PCDHA4: variants seen among roughly 807,000 people sequenced by gnomAD.
PCDHA4 encodes the protein protocadherin alpha-4.
Under a neutral mutation model 61.4 loss-of-function variants are expected in PCDHA4, and 49 were observed. That is an observed-to-expected ratio of 0.80 (90% CI 0.63 to 1.01). PCDHA4 has a LOEUF of 1.01. PCDHA4 is among the 50% of genes least tolerant of loss of function. PCDHA4 has a pLI of 0.00. For missense variants in PCDHA4, 1,254 were observed against 1,235.8 expected, an observed-to-expected ratio of 1.01 and a Z score of -0.22; for synonymous variants, 590 against 550.3, an observed-to-expected ratio of 1.07 and a Z score of -1.01.
intron 3 of PCDHA4, among the ~76,000 whole-genome samples, chr5:140,990,648 A>G (rs2097404919): frequency 2.0e-5 from 3 of 152,220 alleles, no homozygotes; most frequent in Admixed American, 1.3e-4. Flanking sequence ...CTCAGCCAGT[A>G]TGAATGATTT....
rs57130401 is a variant in PCDHA4, at chr5:140,838,077, AGTGTGTGTGTGTGTGT to A, written c.2385+28544_2385+28559del. On this transcript the variant is annotated intron_variant, in intron 1 of 3. Transcript: ENST00000530339. Reference sequence around the variant, plus strand: ...TTTCCACTTTAAGTTATATATATATAGTGTGTGTGTGTGTGTGTGTGTGTGTGTGTGTGTGTGTGTG... The same window carrying A: ...TTTCCACTTTAAGTTATATATATATAGTGTGTGTGTGTGTGTGTGTGTGTG... 1.6e-3 allele frequency among the ~76,000 whole-genome samples: 130 copies of A among 80,702 alleles called. 1 individual carries two copies. The highest frequency in any genetic ancestry group is 1.6e-3 in the Non-Finnish European group (64 of 41,166). 52.9% of individuals were successfully genotyped at this position (80,702 alleles called of 152,430 possible). A position where few individuals can be genotyped will look rare whatever the true frequency, so the allele number is the denominator to read the frequency against.
chr5:140,827,448 A>G (rs1554130791), intron 1 of PCDHA4, among the ~76,000 whole-genome samples: 1 of 152,248 alleles, frequency 6.6e-6, no homozygotes, highest in African/African-American at 2.4e-5. Flanking sequence ...ACACAGAAGA[A>G]CCTTAAGAGC....
chr5:140,956,878 A>G (rs890203275), intron 1 of PCDHA4, among the ~76,000 whole-genome samples: 4 of 152,188 alleles, frequency 2.6e-5, no homozygotes, highest in Admixed American at 2.6e-4. Context: ...GAAAAGTTAG[A>G]TATCAATGAA....
Position 140,823,885 on chromosome 5 carries a change from T to C in PCDHA4, c.2385+14313T>C, listed in dbSNP as rs2150130069. 6 of 1,613,980 alleles carry C rather than the reference T, an allele frequency of 3.7e-6. No individual in the cohort carries two copies. In the Admixed American group the frequency reaches 8.3e-5, roughly 22 times the overall value. The stretch of plus-strand genomic sequence containing the variant: ...CAACGTGTACCTGATCATCGCCATC[T>C]GTGCGGTGTCCAGCCTGCTGGTGCT... On this transcript the variant is annotated intron_variant, in intron 1 of 3. Transcript: ENST00000530339.
intron 1 of PCDHA4, among the ~76,000 whole-genome samples, chr5:140,892,059 G>A (rs1165045634): frequency 6.6e-6 from 1 of 152,108 alleles, no homozygotes; most frequent in African/African-American, 2.4e-5. Context: ...CAAATTTATT[G>A]TTACTTTGTA....
chr5:141,007,256 G>A (rs1412168610), intron 3 of PCDHA4, among the ~76,000 whole-genome samples: 1 of 152,034 alleles, frequency 6.6e-6, no homozygotes, highest in Non-Finnish European at 1.5e-5. Flanking sequence ...CAAGTTAAAA[G>A]AAGCAGATAC....
chr5:140,902,324 C>T (rs1554190388), intron 1 of PCDHA4, among the ~76,000 whole-genome samples: 1 of 151,472 alleles, frequency 6.6e-6, no homozygotes, highest in Non-Finnish European at 1.5e-5. Flanking sequence ...AGGTGTAACT[C>T]ACTTCGCCTG....
intron 1 of PCDHA4, chr5:140,870,343 C>G (rs375366430): frequency 1.7e-5 from 28 of 1,614,042 alleles, no homozygotes; most frequent in Non-Finnish European, 2.2e-5. Context: ...CGCCCTGGAC[C>G]GCGAGAACGT....
intron 1 of PCDHA4, among the ~76,000 whole-genome samples, chr5:140,964,239 GTTGGC>G (rs2095819198): frequency 6.6e-6 from 1 of 152,180 alleles, no homozygotes; most frequent in African/African-American, 2.4e-5. Context: ...GGCTGATTGT[GTTGGC>G]TTTATATTTG....
At chr5:140,840,168 T>C (rs1776589979) in intron 1 of PCDHA4, among the ~76,000 whole-genome samples, 2 of 151,992 alleles carry the variant, frequency 1.3e-5, no homozygotes, top group African/African-American at 2.4e-5. Flanking sequence ...ATGGGATGTA[T>C]ACAAATTTTA....
intron 1 of PCDHA4, chr5:140,928,173 C>T (rs1554205586): frequency 1.2e-6 from 2 of 1,614,170 alleles, no homozygotes; most frequent in Admixed American, 1.7e-5. Flanking sequence ...CACTTAGCAC[C>T]CGAAGGACAA....
At chr5:140,968,508 A>C (rs977964716) in intron 1 of PCDHA4, 1 of 1,613,950 alleles carries the variant, frequency 6.2e-7, no homozygotes, top group African/African-American at 1.3e-5. Context: ...CACATTCTGT[A>C]CCCTACCTCA....
chr5:140,970,847 C>A (rs2096437224), intron 1 of PCDHA4, among the ~76,000 whole-genome samples: 1 of 149,802 alleles, frequency 6.7e-6, no homozygotes, highest in Non-Finnish European at 1.5e-5. Context: ...TGCACAGGCA[C>A]AAAAGTTCCA....
intron 1 of PCDHA4, among the ~76,000 whole-genome samples, chr5:140,923,036 T>C (rs868918813): frequency 1.3e-5 from 2 of 152,196 alleles, no homozygotes; most frequent in Non-Finnish European, 2.9e-5. Context: ...TATTACTACA[T>C]GTATAGTATT....
At chr5:140,856,963 T>C (rs1249230816) in intron 1 of PCDHA4, 1 of 1,590,702 alleles carries the variant, frequency 6.3e-7, no homozygotes, top group African/African-American at 1.3e-5. Context: ...AAGTAAATGA[T>C]GCTATTGACT....
chr5:140,862,692 G>C, intron 1 of PCDHA4: 1 of 555,502 alleles, frequency 1.8e-6, no homozygotes, highest in Non-Finnish European at 3.6e-6. Flanking sequence ...TGTCCTACTC[G>C]TTGATGGAAC....
rs1195729562 is a variant in PCDHA4, at chr5:140,897,783, G to A, written c.2386-81166G>A. 1.3e-3 allele frequency among the ~76,000 whole-genome samples: 204 copies of A among 152,264 alleles called. 1 individual carries two copies. The highest frequency in any genetic ancestry group is 0.011 in the South Asian group (52 of 4,820). ...CGCCACACTGACTTCCACAATGGTTGAACTAGTTTAGAGTCCCACCAACAG... is the reference window on the plus strand; with the variant it reads ...CGCCACACTGACTTCCACAATGGTTAAACTAGTTTAGAGTCCCACCAACAG... On this transcript the variant is annotated intron_variant, in intron 1 of 3. Transcript: ENST00000530339.
chr5:140,978,150 C>T (rs1009630892), intron 1 of PCDHA4, among the ~76,000 whole-genome samples: 2 of 152,286 alleles, frequency 1.3e-5, no homozygotes, highest in South Asian at 4.2e-4. Context: ...TTGTTCTCCC[C>T]CTTCAGACTG....
intron 1 of PCDHA4, chr5:140,869,814 C>A: frequency 2.5e-6 from 4 of 1,612,258 alleles, no homozygotes; most frequent in Non-Finnish European, 3.4e-6. Flanking sequence ...ATGTCAACGA[C>A]AATGATCCAG....
Sources: allele counts gnomAD v4.1 joint callset (sites outside exome capture counted in the v4.1 genomes callset), GRCh38; gene constraint gnomAD v4.1.1; transcripts MANE v1.5; gene names NCBI Gene and HGNC (gene_info 2026-07-23, HGNC 2026-07-21).